SLC26A5: variants seen among roughly 807,000 people sequenced by gnomAD.
The protein encoded by SLC26A5 is solute carrier family 26 member 5, also known as prestin.
SLC26A5 carries 51 observed loss-of-function variants against 81.0 expected under a neutral mutation model. The ratio of observed to expected loss-of-function variants is 0.63; its 90% confidence interval spans 0.50 to 0.80. The LOEUF (loss-of-function observed/expected upper bound fraction) is 0.80, where lower values mean the gene tolerates loss of function less well. Ranked by LOEUF, SLC26A5 falls within the 30% of genes least tolerant of loss-of-function variation. SLC26A5 has a pLI of 0.00. For missense variants in SLC26A5, 771 were observed against 905.8 expected (o/e 0.85, Z 1.91); for synonymous variants, 325 against 332.8 (o/e 0.98, Z 0.25).
chr7:103,396,425 C>T (rs1241919522), intron 9 of SLC26A5, among the ~76,000 whole-genome samples: 1 of 152,186 alleles, frequency 6.6e-6, no homozygotes, highest in Non-Finnish European at 1.5e-5. Flanking sequence ...AGGCAACCCA[C>T]GTGCTCATCA....
intron 4 of SLC26A5, among the ~76,000 whole-genome samples, chr7:103,414,029 G>C (rs1007319633): frequency 6.6e-6 from 1 of 151,852 alleles, no homozygotes; most frequent in African/African-American, 2.4e-5. Flanking sequence ...CTCTTGGTGT[G>C]GTACAGTCTA....
At chr7:103,354,832 C>T in intron 19 of SLC26A5, 1 of 1,335,268 alleles carries the variant, frequency 7.5e-7, no homozygotes, top group African/African-American at 1.5e-5. Context: ...TGGTTGATAT[C>T]CTGATATTCT....
At chr7:103,396,027 T>G (rs2116520637) in intron 9 of SLC26A5, among the ~76,000 whole-genome samples, 1 of 152,130 alleles carries the variant, frequency 6.6e-6, no homozygotes, top group East Asian at 1.9e-4. Flanking sequence ...GCCCTTGAGA[T>G]AAGTATTAAT....
intron 8 of SLC26A5, 147 bp from the exon 9 acceptor site, chr7:103,398,161 A>C: frequency 1.4e-6 from 1 of 712,688 alleles, no homozygotes; most frequent in Non-Finnish European, 2.5e-6. Flanking sequence ...TAGCTTCAAC[A>C]ATTCTAACTT....
chr7:103,414,220 C>T (rs1157859158), intron 4 of SLC26A5, among the ~76,000 whole-genome samples: 19 of 130,554 alleles, frequency 1.5e-4, no homozygotes, highest in Admixed American at 1.3e-3. Flanking sequence ...GGGTCTTGCT[C>T]TGTCACCCAG....
At chr7:103,428,483 C>G (rs1825847743) in intron 2 of SLC26A5, among the ~76,000 whole-genome samples, 1 of 151,828 alleles carries the variant, frequency 6.6e-6, no homozygotes, top group African/African-American at 2.4e-5. Flanking sequence ...ATATATCCAT[C>G]ACCTCCAAAA....
intron 19 of SLC26A5, among the ~76,000 whole-genome samples, chr7:103,364,775 G>A (rs1204024364): frequency 6.6e-6 from 1 of 151,908 alleles, no homozygotes; most frequent in African/African-American, 2.4e-5. Flanking sequence ...TTGGAGATAG[G>A]CAACCACTTA....
At chr7:103,388,958 A>G (rs769561776) in intron 14 of SLC26A5, 50 bp downstream of exon 14, 4 of 1,381,930 alleles carry the variant, frequency 2.9e-6, no homozygotes, top group South Asian at 1.2e-5. Context: ...TAAAGTCAAC[A>G]TTGTCATCTC....
chr7:103,361,592 T>A (rs1208479014), intron 19 of SLC26A5, among the ~76,000 whole-genome samples: 11 of 150,690 alleles, frequency 7.3e-5, no homozygotes, highest in Admixed American at 7.3e-4. Flanking sequence ...TATTACTGAA[T>A]TTGGTGTAAG....
rs968708326 is a variant in SLC26A5 at position 103,406,328 on chromosome 7, C to T, written c.888+1523G>A. 3.3e-5 allele frequency among the ~76,000 whole-genome samples: 5 copies of T among 152,186 alleles called. No homozygotes were observed. In the East Asian group the frequency reaches 7.7e-4, roughly 23 times the overall value. ...TGGTGGTGTAGGCACCCAGGGGAGT[C>T]TCCTAGTCTGTGGGTTGTGAAGACC... is the stretch of plus-strand genomic sequence containing the variant. On this transcript the variant is annotated intron_variant, in intron 8 of 19. Coordinates refer to ENST00000306312, the MANE Select transcript of SLC26A5 (RefSeq NM_198999.3).
chr7:103,413,382 G>C (rs1290528553), intron 4 of SLC26A5, among the ~76,000 whole-genome samples: 1 of 152,092 alleles, frequency 6.6e-6, no homozygotes, highest in Non-Finnish European at 1.5e-5. Context: ...GCAGAAAAAA[G>C]TCTTATCTTA....
rs1405020705 is a variant in SLC26A5 at position 103,380,463 on chromosome 7, A to G, written c.1584+17T>C. On this transcript the variant is annotated intron_variant, in intron 15 of 19. Transcript: ENST00000306312. ...CACATGCTTACAACCTTTTTAAGTG[A>G]TAGAAAAAGGTCCTACCTCCTCATA... 1 of 1,606,966 alleles carries G rather than the reference A, an allele frequency of 6.2e-7. No individual in the cohort carries two copies. Among genetic ancestry groups the G allele is most frequent in the Non-Finnish European group, 8.5e-7 (1 of 1,173,546 alleles).
At chr7:103,445,727 A>T (rs989579536) in intron 1 of SLC26A5, 4 of 152,296 alleles carry the variant, frequency 2.6e-5, no homozygotes, top group Non-Finnish European at 5.9e-5. Flanking sequence ...GGTTTTGTGT[A>T]ATTCGATTTG....
intron 9 of SLC26A5, among the ~76,000 whole-genome samples, chr7:103,397,366 C>A (rs1357006166): frequency 1.3e-5 from 2 of 151,598 alleles, no homozygotes; most frequent in African/African-American, 4.8e-5. Context: ...ATGGTGAAAC[C>A]CCGTCTCTAT....
At position 103,375,787 on chromosome 7, in the gene SLC26A5, A is replaced by G. The variant is rs567859232; in HGVS notation, c.2041+1021T>C. On this transcript the variant is annotated intron_variant, in intron 19 of 19. Transcript: ENST00000306312. ...CTTTTCTTTTTTGAGACGGAGTCTT[A>G]CTCTGTCACCCAGCCTGGAGAGCAG... Among the ~76,000 whole-genome samples the G allele has an allele frequency of 5.6e-4, 83 of 148,464 alleles. 1 individual carries two copies. The highest frequency in any genetic ancestry group is 3.6e-3 in the Admixed American group (54 of 14,796).
At chr7:103,406,832 T>C (rs780505256) in intron 8 of SLC26A5, among the ~76,000 whole-genome samples, 3 of 152,180 alleles carry the variant, frequency 2.0e-5, no homozygotes, top group Non-Finnish European at 2.9e-5. Flanking sequence ...TTTGTATTTT[T>C]AGTAGAGACG....
chr7:103,362,639 T>C, intron 19 of SLC26A5: 1 of 1,539,906 alleles, frequency 6.5e-7, no homozygotes, highest in Non-Finnish European at 9.0e-7. Flanking sequence ...AAAAGCACTT[T>C]GAAAGCTTAA....
At chr7:103,411,254 T>C (rs911301723) in intron 6 of SLC26A5, among the ~76,000 whole-genome samples, 166 bp downstream of exon 6, 4 of 152,194 alleles carry the variant, frequency 2.6e-5, no homozygotes, top group Non-Finnish European at 4.4e-5. Context: ...TGCTCGTCAC[T>C]CATAGTTGTG....
intron 13 of SLC26A5, 88 bp from the exon 14 acceptor site, chr7:103,389,202 A>C: frequency 8.3e-7 from 1 of 1,205,030 alleles, no homozygotes. Flanking sequence ...CACACATGCT[A>C]CTTTTACCTT....
Sources: allele counts gnomAD v4.1 joint callset (sites outside exome capture counted in the v4.1 genomes callset), GRCh38; gene constraint gnomAD v4.1.1; transcripts MANE v1.5; gene names NCBI Gene and HGNC (gene_info 2026-07-23, HGNC 2026-07-21).